SOS1: variants seen among roughly 807,000 people sequenced by gnomAD.
SOS1 encodes the protein son of sevenless homolog 1.
Under a neutral mutation model 157.6 loss-of-function variants are expected in SOS1, and 25 were observed. That is an observed-to-expected ratio of 0.16 (90% CI 0.12 to 0.22). The LOEUF is 0.22. Ranked by LOEUF, SOS1 falls within the 10% of genes least tolerant of loss-of-function variation. The pLI is 1.00. For synonymous variants in SOS1, 528 were observed against 534.0 expected, an observed-to-expected ratio of 0.99 and a Z score of 0.16; for missense variants, 1,237 against 1,599.1, an observed-to-expected ratio of 0.77 and a Z score of 3.86.
chr2:39,007,213 G>A lies in SOS1; in HGVS notation c.2511-20C>T. 1 of 1,478,792 alleles carries A rather than the reference G, an allele frequency of 6.8e-7. No individual in the cohort carries two copies. The highest frequency in any genetic ancestry group is 9.5e-7 in the Non-Finnish European group (1 of 1,057,336). 91.6% of individuals were successfully genotyped at this position (1,478,792 alleles called of 1,614,324 possible). ...ATACATCTGGGAATAAAAAAAAAGT[G>A]AACTAAAGGTTTTAGAGTTTTTCCA... On this transcript the variant is annotated intron_variant, in intron 15 of 22. Coordinates refer to ENST00000402219, the MANE Select transcript of SOS1 (RefSeq NM_005633.4).
chr2:39,104,681 G>C (rs1673099275), intron 1 of SOS1, among the ~76,000 whole-genome samples: 1 of 152,182 alleles, frequency 6.6e-6, no homozygotes, highest in African/African-American at 2.4e-5. Context: ...GCAGTATCCA[G>C]TTTAGCCAAA....
rs963972978 is a variant in SOS1 at position 39,023,909 on chromosome 2, C to G, written c.1202+101G>C. The stretch of plus-strand genomic sequence containing the variant: ...TAAAAGACCAGGCTTGTCACTAAAA[C>G]TATTTTCTTCATTGTTTACTTGAGG... On this transcript the variant is annotated intron_variant, in intron 9 of 22. Coordinates refer to ENST00000402219, the MANE Select transcript of SOS1 (RefSeq NM_005633.4). 4 of 815,968 alleles carry G rather than the reference C, an allele frequency of 4.9e-6. No homozygotes were observed. The African/African-American group carries it at 6.8e-5, about 14-fold the overall frequency. The allele number at this position is 815,968 out of a possible 1,614,324, so 50.5% of individuals were successfully genotyped here. A position where few individuals can be genotyped will look rare whatever the true frequency, so the allele number is the denominator to read the frequency against.
intron 1 of SOS1, among the ~76,000 whole-genome samples, chr2:39,088,737 G>A (rs1261865168): frequency 6.6e-6 from 1 of 151,990 alleles, no homozygotes; most frequent in African/African-American, 2.4e-5. Context: ...ACTGACATGT[G>A]GTTAGTTTCT....
chr2:39,062,442 A>AG (rs1166999004), intron 2 of SOS1, among the ~76,000 whole-genome samples: 2 of 150,280 alleles, frequency 1.3e-5, no homozygotes, highest in African/African-American at 2.4e-5. Context: ...AATTAAAAAA[A>AG]AAAAGAAAAG....
At chr2:38,998,414 TA>T (rs1388617385) in intron 17 of SOS1, among the ~76,000 whole-genome samples, 1 of 152,084 alleles carries the variant, frequency 6.6e-6, no homozygotes, top group Non-Finnish European at 1.5e-5. Flanking sequence ...CACACCCAGC[TA>T]ATTTTTGTAT....
intron 11 of SOS1, 55 bp from the exon 12 acceptor site, chr2:39,014,044 A>T: frequency 7.3e-7 from 1 of 1,375,482 alleles, no homozygotes; most frequent in Non-Finnish European, 1.0e-6. Flanking sequence ...AGTTATACAA[A>T]TAGAAAACCA....
At chr2:39,081,203 A>G in intron 1 of SOS1, among the ~76,000 whole-genome samples, 1 of 152,142 alleles carries the variant, frequency 6.6e-6, no homozygotes, top group East Asian at 1.9e-4. Context: ...GTAATGCAAG[A>G]TAGTGTTTAT....
chr2:39,091,719 C>T (rs912047034), intron 1 of SOS1, among the ~76,000 whole-genome samples: 1 of 152,196 alleles, frequency 6.6e-6, no homozygotes, highest in Admixed American at 6.5e-5. Flanking sequence ...CAGGCTTCTC[C>T]ACCCAGGGCT....
intron 1 of SOS1, among the ~76,000 whole-genome samples, chr2:39,089,187 G>C (rs754945765): frequency 3.9e-5 from 6 of 152,158 alleles, no homozygotes; most frequent in Non-Finnish European, 7.4e-5. Flanking sequence ...TCAAAATAGG[G>C]AAGAAACGAG....
chr2:39,081,532 T>C (rs1315456269), intron 1 of SOS1, among the ~76,000 whole-genome samples: 1 of 150,850 alleles, frequency 6.6e-6, no homozygotes, highest in Non-Finnish European at 1.5e-5. Flanking sequence ...AAAAAAAAGA[T>C]AAAGGAAATT....
At chr2:39,000,999 A>G (rs918084278) in intron 17 of SOS1, among the ~76,000 whole-genome samples, 1 of 152,238 alleles carries the variant, frequency 6.6e-6, no homozygotes, top group Non-Finnish European at 1.5e-5. Flanking sequence ...GGCAAAGCCA[A>G]TGCTAAAGGC....
intron 17 of SOS1, among the ~76,000 whole-genome samples, chr2:39,005,473 T>A (rs1669254067): frequency 6.6e-6 from 1 of 152,100 alleles, no homozygotes; most frequent in Non-Finnish European, 1.5e-5. Context: ...TATGCAGCCA[T>A]TATAAATAAT....
At chr2:39,063,363 TATGC>T (rs1393935214) in intron 2 of SOS1, among the ~76,000 whole-genome samples, 1 of 152,182 alleles carries the variant, frequency 6.6e-6, no homozygotes, top group African/African-American at 2.4e-5. Context: ...TCATTAGTTA[TATGC>T]AAATACTATG....
chr2:39,034,065 CTT>C (rs1173112967), intron 8 of SOS1, among the ~76,000 whole-genome samples: 1 of 152,232 alleles, frequency 6.6e-6, no homozygotes, highest in African/African-American at 2.4e-5. Flanking sequence ...TGCTTCCTCT[CTT>C]GATTATCCTC....
intron 15 of SOS1, among the ~76,000 whole-genome samples, chr2:39,010,218 A>C (rs1669415679): frequency 6.6e-6 from 1 of 151,620 alleles, no homozygotes; most frequent in Non-Finnish European, 1.5e-5. Flanking sequence ...CAGGAGGCTG[A>C]GGCCTGAGAA....
At chr2:39,122,904 C>T (rs1673943865), upstream of SOS1, among the ~76,000 whole-genome samples, 1 of 152,074 alleles carries the variant, frequency 6.6e-6, no homozygotes, top group Non-Finnish European at 1.5e-5. Flanking sequence ...TGTATGGTTC[C>T]AAATGAACCA....
At chr2:39,112,566 TGCTGGAATTGCAGGCATGAGCCACC>T (rs1399171948) in intron 1 of SOS1, among the ~76,000 whole-genome samples, 1 of 152,040 alleles carries the variant, frequency 6.6e-6, no homozygotes, top group Non-Finnish European at 1.5e-5. Flanking sequence ...GGCTCCCAAG[TGCTGGAATTGCAGGCATGAGCCACC>T]GCACCTGGCT....
intron 8 of SOS1, among the ~76,000 whole-genome samples, chr2:39,024,965 A>G (rs1669909316): frequency 6.6e-6 from 1 of 152,202 alleles, no homozygotes; most frequent in Admixed American, 6.5e-5. Flanking sequence ...GAACGTCTCT[A>G]CTTAACAAGA....
chr2:39,035,651 G>A (rs1480643514), intron 6 of SOS1, 151 bp from the exon 7 acceptor site: 25 of 651,602 alleles, frequency 3.8e-5, no homozygotes, highest in Admixed American at 2.7e-4. Flanking sequence ...AATTTTAATA[G>A]AAGAGATCCC....
Sources: allele counts gnomAD v4.1 joint callset (sites outside exome capture counted in the v4.1 genomes callset), GRCh38; gene constraint gnomAD v4.1.1; transcripts MANE v1.5; gene names NCBI Gene and HGNC (gene_info 2026-07-23, HGNC 2026-07-21).